TBX18: variants seen among roughly 807,000 people sequenced by gnomAD.
TBX18 encodes T-box transcription factor 18.
A neutral mutation model predicts 55.0 loss-of-function variants in TBX18; 21 were observed. That is an observed-to-expected ratio of 0.38 (90% confidence interval 0.27 to 0.55). The LOEUF (loss-of-function observed/expected upper bound fraction) is 0.55, where lower values mean the gene tolerates loss of function less well. TBX18 is among the 20% of genes least tolerant of loss of function. The pLI, the probability that TBX18 is intolerant of heterozygous loss-of-function variation, is 0.73. For missense variants in TBX18, 840 were observed against 799.6 expected (o/e 1.05, Z -0.61); for synonymous variants, 342 against 326.1 (o/e 1.05, Z -0.53).
chr6:84,743,734 C>T (rs777694388), intron 6 of TBX18, among the ~76,000 whole-genome samples: 14 of 152,038 alleles, frequency 9.2e-5, no homozygotes, highest in Non-Finnish European at 1.8e-4. Flanking sequence ...CACCACAAAA[C>T]GTGAAACAGA....
At chr6:84,744,619 T>TAGA (rs1488251557) in intron 5 of TBX18, among the ~76,000 whole-genome samples, 3 of 152,186 alleles carry the variant, frequency 2.0e-5, no homozygotes, top group Admixed American at 2.0e-4. Flanking sequence ...CTGAATCATC[T>TAGA]GTTGGTAACG....
chr6:84,762,820 C>G lies in TBX18; in HGVS notation c.293-72G>C. On this transcript the variant is annotated intron_variant, in intron 1 of 7. Transcript: ENST00000369663. Reference sequence around the variant, plus strand: ...GGGAAGCCAGCCGCGGAGACGGGCCCACCTGGTGGCTGAGAAGAGGAAAAT... The same window carrying G: ...GGGAAGCCAGCCGCGGAGACGGGCCGACCTGGTGGCTGAGAAGAGGAAAAT... The G allele has an allele frequency of 5.6e-6, 8 of 1,428,008 alleles. No homozygotes were observed. The South Asian group carries it at 9.8e-5, about 17-fold the overall frequency. 88.5% of individuals were successfully genotyped at this position (1,428,008 alleles called of 1,614,324 possible).
intron 4 of TBX18, among the ~76,000 whole-genome samples, chr6:84,752,914 T>A (rs889152530): frequency 6.6e-6 from 1 of 152,180 alleles, no homozygotes. Context: ...CACTACCTGC[T>A]AAATGTCCTC....
rs568487275 is a variant in TBX18 at position 84,733,853 on chromosome 6, G to A, written c.*2832C>T. The A allele has an allele frequency of 4.6e-5, 7 of 152,232 alleles. 1 individual carries two copies. The East Asian group carries it at 5.8e-4, about 13-fold the overall frequency. 9.4% of individuals were successfully genotyped at this position (152,232 alleles called of 1,614,324 possible). A position where few individuals can be genotyped will look rare whatever the true frequency, so the allele number is the denominator to read the frequency against. ...TCAAAATTTTGCTAATTGATGTAAA[G>A]AGTGAGTATGATCCTTCCTTATATA... On this transcript the variant is annotated 3_prime_UTR_variant, in exon 8 of 8. Coordinates refer to ENST00000369663, the MANE Select transcript of TBX18 (RefSeq NM_001080508.3).
intron 1 of TBX18, 79 bp from the exon 2 acceptor site, chr6:84,762,827 TG>T: frequency 1.4e-6 from 2 of 1,392,336 alleles, no homozygotes; most frequent in Non-Finnish European, 2.0e-6. Flanking sequence ...GCCCACCTGG[TG>T]GCTGAGAAGA....
chr6:84,751,349 G>T (rs114434810), intron 4 of TBX18, among the ~76,000 whole-genome samples: 1,553 of 152,230 alleles, frequency 0.01, 24 homozygotes, highest in African/African-American at 0.034. Context: ...TTTCAAAAAA[G>T]ACTTCAAGTG....
At chr6:84,756,664 A>G in intron 4 of TBX18, 34 bp downstream of exon 4, 1 of 1,601,946 alleles carries the variant, frequency 6.2e-7, no homozygotes, top group Admixed American at 1.7e-5. Context: ...TGGCTGTGCC[A>G]TCTACAGATG....
intron 3 of TBX18, among the ~76,000 whole-genome samples, chr6:84,758,518 CTAA>C (rs1767557453): frequency 6.6e-6 from 1 of 151,630 alleles, no homozygotes; most frequent in Non-Finnish European, 1.5e-5. Flanking sequence ...ATTTTACATT[CTAA>C]TAAGTGACAA....
intron 5 of TBX18, among the ~76,000 whole-genome samples, chr6:84,746,332 C>T (rs577479641): frequency 3.3e-5 from 5 of 149,724 alleles, no homozygotes; most frequent in African/African-American, 1.2e-4. Flanking sequence ...TACTTTTTCT[C>T]CCAAAAAATC....
rs1219867187 is a variant in TBX18, at chr6:84,737,487, C to T, written c.1100-78G>A. On this transcript the variant is annotated intron_variant, in intron 7 of 7. Coordinates refer to ENST00000369663, the MANE Select transcript of TBX18 (RefSeq NM_001080508.3). ...CAATTTTGTAAATATGAGCTAGACA[C>T]AGCTTGTTACAAGGCAAGGGTTGGA... 1.8e-5 allele frequency: 26 copies of T among 1,433,916 alleles called. No individual in the cohort carries two copies. The East Asian group carries it at 5.6e-4, about 31-fold the overall frequency. The allele number at this position is 1,433,916 out of a possible 1,614,324, so 88.8% of individuals were successfully genotyped here.
Position 84,732,921 on chromosome 6 carries a change from T to C in TBX18, c.*3764A>G, listed in dbSNP as rs1773842855. On this transcript the variant is annotated 3_prime_UTR_variant, in exon 8 of 8. Coordinates refer to ENST00000369663, the MANE Select transcript of TBX18 (RefSeq NM_001080508.3). Reference sequence around the variant, plus strand: ...AATATTAAGCTAAATATTTATATAATAGGACCATATGAATTGGAAACTAAA... The same window carrying C: ...AATATTAAGCTAAATATTTATATAACAGGACCATATGAATTGGAAACTAAA... The C allele has an allele frequency of 6.6e-6, 1 of 152,000 alleles. No individual in the cohort carries two copies. Among genetic ancestry groups the C allele is most frequent in the African/African-American group, 2.4e-5 (1 of 41,396 alleles). 9.4% of individuals were successfully genotyped at this position (152,000 alleles called of 1,614,324 possible). A position where few individuals can be genotyped will look rare whatever the true frequency, so the allele number is the denominator to read the frequency against.
intron 6 of TBX18, among the ~76,000 whole-genome samples, chr6:84,739,485 C>A (rs377277093): frequency 6.6e-6 from 1 of 152,048 alleles, no homozygotes; most frequent in South Asian, 2.1e-4. Flanking sequence ...GGGAATGAGG[C>A]CATTCACTCA....
Position 84,736,563 on chromosome 6 carries a change from C to A in TBX18, c.*122G>T, listed in dbSNP as rs998405943. 2.7e-5 allele frequency: 32 copies of A among 1,172,696 alleles called. No homozygotes were observed. The African/African-American group carries it at 4.6e-4, about 17-fold the overall frequency. 72.6% of individuals were successfully genotyped at this position (1,172,696 alleles called of 1,614,324 possible). A position where few individuals can be genotyped will look rare whatever the true frequency, so the allele number is the denominator to read the frequency against. On this transcript the variant is annotated 3_prime_UTR_variant, in exon 8 of 8. Transcript: ENST00000369663. ...TGATAAAGTCAAAAAACCCAGTGAG[C>A]CTTCATTTTCTATTATATGTACATT...
At chr6:84,738,475 C>T in intron 7 of TBX18, 22 bp downstream of exon 7, 1 of 1,598,092 alleles carries the variant, frequency 6.3e-7, no homozygotes, top group East Asian at 2.2e-5. Flanking sequence ...GTATATATGA[C>T]CCAGGAGACT....
intron 3 of TBX18, among the ~76,000 whole-genome samples, chr6:84,757,362 A>G (rs1767521386): frequency 1.3e-5 from 2 of 152,238 alleles, no homozygotes; most frequent in Non-Finnish European, 2.9e-5. Context: ...GCAAGAGGAA[A>G]TAGTCAGAAG....
At chr6:84,751,301 T>C (rs1025206420) in intron 4 of TBX18, among the ~76,000 whole-genome samples, 7 of 152,226 alleles carry the variant, frequency 4.6e-5, no homozygotes, top group African/African-American at 1.7e-4. Flanking sequence ...TATAGTTGTA[T>C]ATATTTTAAG....
intron 6 of TBX18, among the ~76,000 whole-genome samples, chr6:84,739,935 G>T (rs115746897): frequency 0.011 from 1,682 of 152,330 alleles, 32 homozygotes; most frequent in African/African-American, 0.037. Context: ...TCATTCTGGA[G>T]GAATACGCCT....
intron 4 of TBX18, among the ~76,000 whole-genome samples, chr6:84,751,200 G>T (rs1181581898): frequency 1.3e-5 from 2 of 152,180 alleles, no homozygotes; most frequent in African/African-American, 4.8e-5. Flanking sequence ...TGTAATTAAA[G>T]AAACAAAGAT....
At position 84,736,337 on chromosome 6, in the gene TBX18, T is replaced by C. The variant is rs1015825811; in HGVS notation, c.*348A>G. The C allele has an allele frequency of 6.1e-6, 1 of 165,120 alleles. No individual in the cohort carries two copies. The highest frequency in any genetic ancestry group is 1.3e-5 in the Non-Finnish European group (1 of 76,978). 10.2% of individuals were successfully genotyped at this position (165,120 alleles called of 1,614,324 possible). ...TTTCTGATAAATTAAGTTATAAGTG[T>C]TCTTCTGGATAGTATAATTGCCAAG... is the stretch of plus-strand genomic sequence containing the variant. On this transcript the variant is annotated 3_prime_UTR_variant, in exon 8 of 8. Transcript: ENST00000369663.
Sources: gnomAD v4.1 joint callset for allele counts (sites outside exome capture counted in the v4.1 genomes callset) on GRCh38, gnomAD v4.1.1 for gene constraint, MANE v1.5 for transcripts, NCBI Gene and HGNC (gene_info 2026-07-23, HGNC 2026-07-21) for gene names.